Variants in GADL1 observed in about 807,000 individuals in gnomAD.
GADL1 encodes GAD like acidic amino acid decarboxylase 1, also known as acidic amino acid decarboxylase GADL1.
A neutral mutation model predicts 69.5 loss-of-function variants in GADL1; 71 were observed. The ratio of observed to expected loss-of-function variants is 1.02; its 90% CI spans 0.84 to 1.25. The LOEUF is 1.25. GADL1 is among the 50% of genes most tolerant of loss of function. The pLI is 0.00. For synonymous variants in GADL1, 254 were observed against 214.4 expected, an observed-to-expected ratio of 1.18 and a Z score of -1.62; for missense variants, 737 against 631.8, an observed-to-expected ratio of 1.17 and a Z score of -1.79.
intron 1 of GADL1, among the ~76,000 whole-genome samples, chr3:30,886,744 G>A (rs1698716201): frequency 6.6e-6 from 1 of 152,164 alleles, no homozygotes; most frequent in African/African-American, 2.4e-5. Context: ...AGCCTGAATG[G>A]AGCTTCTGGG....
chr3:30,759,754 A>AT (rs1559490597), intron 14 of GADL1, among the ~76,000 whole-genome samples: 3 of 152,152 alleles, frequency 2.0e-5, no homozygotes, highest in Non-Finnish European at 4.4e-5. Context: ...CTCGACTGCC[A>AT]CTGGGTTTGT....
intron 11 of GADL1, among the ~76,000 whole-genome samples, chr3:30,826,983 G>C (rs556073906): frequency 6.6e-6 from 1 of 151,778 alleles, no homozygotes; most frequent in Non-Finnish European, 1.5e-5. Context: ...ATATGGATAA[G>C]ACAAACAATT....
In GADL1 at chr3:30,728,212, A is replaced by T; in HGVS notation, c.*30T>A. On this transcript the variant is annotated 3_prime_UTR_variant, in exon 15 of 15. Transcript: ENST00000282538. ...TGGATCTAAACTCTCCCAGGATAGGATCTATGCCTCTGGGGGACCAAAGCC... is the reference window on the plus strand; with the variant it reads ...TGGATCTAAACTCTCCCAGGATAGGTTCTATGCCTCTGGGGGACCAAAGCC... 2 of 1,594,272 alleles carry T rather than the reference A, an allele frequency of 1.3e-6. No homozygotes were observed. The highest frequency in any genetic ancestry group is 8.6e-7 in the Non-Finnish European group (1 of 1,162,474).
chr3:30,766,387 C>G (rs1696277316), intron 14 of GADL1, among the ~76,000 whole-genome samples: 1 of 152,194 alleles, frequency 6.6e-6, no homozygotes, highest in Non-Finnish European at 1.5e-5. Flanking sequence ...TGGTAATGCT[C>G]TACTGTGGCC....
At chr3:30,805,734 CTTTT>C (rs34788058) in intron 11 of GADL1, among the ~76,000 whole-genome samples, 8 of 66,092 alleles carry the variant, frequency 1.2e-4, no homozygotes, top group African/African-American at 4.2e-4. Flanking sequence ...AGTCCCCAGC[CTTTT>C]TTTTTTTTTT....
chr3:30,844,300 T>C (rs1698019171), intron 7 of GADL1, 36 bp from the exon 8 acceptor site: 8 of 1,592,162 alleles, frequency 5.0e-6, no homozygotes, highest in Non-Finnish European at 6.9e-6. Context: ...CAGTTATGTT[T>C]AGTAATTAAC....
rs146398609 is a variant in GADL1 at position 30,801,042 on chromosome 3, T to G, written c.1097A>C (p.Gln366Pro). The G allele has an allele frequency of 6.2e-7, 1 of 1,614,040 alleles. No homozygotes were observed. Among genetic ancestry groups the G allele is most frequent in the African/African-American group, 1.3e-5 (1 of 75,072 alleles). The change falls in exon 12 of 15, where the codon CAG becomes CCG. Residue 366 changes from glutamine (Q) to proline (P), a missense_variant. By Grantham distance (76) the Gln-to-Pro change is moderately conservative. Coordinates refer to ENST00000282538, the MANE Select transcript of GADL1 (RefSeq NM_207359.3). ...CYSAKASYLF[Q>P]QDKFYDVSYD... ...GCTCACATCATAGAATTTATCCTGC[T>G]GGAAGAGGTAAGATGCCTTGGCAGA...
At chr3:30,748,790 T>C (rs1695752359) in intron 14 of GADL1, among the ~76,000 whole-genome samples, 1 of 152,236 alleles carries the variant, frequency 6.6e-6, no homozygotes, top group Non-Finnish European at 1.5e-5. Flanking sequence ...AAGCTGAATA[T>C]AATTCAACCG....
chr3:30,791,041 G>A (rs573023182), intron 12 of GADL1, among the ~76,000 whole-genome samples: 2 of 151,770 alleles, frequency 1.3e-5, no homozygotes, highest in Non-Finnish European at 2.9e-5. Flanking sequence ...TACAAAGTAT[G>A]GAAGGATACG....
chr3:30,847,003 C>G (rs1698069930), intron 6 of GADL1, among the ~76,000 whole-genome samples: 1 of 152,136 alleles, frequency 6.6e-6, no homozygotes, highest in Non-Finnish European at 1.5e-5. Context: ...TTCTTTTTAC[C>G]CTACTTTTTA....
chr3:30,776,387 TCA>T (rs967684915), intron 14 of GADL1, among the ~76,000 whole-genome samples: 1 of 152,218 alleles, frequency 6.6e-6, no homozygotes, highest in Non-Finnish European at 1.5e-5. Flanking sequence ...CACTAAATTC[TCA>T]CATTGTCCAG....
At position 30,836,763 on chromosome 3, in the gene GADL1, A is replaced by AT. The variant is rs531608629; in HGVS notation, c.903+2233dup. Among the ~76,000 whole-genome samples the AT allele has an allele frequency of 1.0e-3, 153 of 152,174 alleles. 1 individual carries two copies. Among genetic ancestry groups the AT allele is most frequent in the African/African-American group, 3.3e-3 (136 of 41,528 alleles). On this transcript the variant is annotated intron_variant, in intron 9 of 14. Transcript: ENST00000282538. ...GAGAGAATAGGAAGCTTTGTTGGGA[A>AT]TGAGAGGCTTTCCAGCAGCTACAAC...
At chr3:30,884,223 T>G (rs1200313153) in intron 1 of GADL1, among the ~76,000 whole-genome samples, 2 of 152,028 alleles carry the variant, frequency 1.3e-5, no homozygotes, top group African/African-American at 2.4e-5. Flanking sequence ...GTAGAATATT[T>G]GAACCGCATA....
intron 11 of GADL1, among the ~76,000 whole-genome samples, chr3:30,821,339 GAAAAA>G (rs926042887): frequency 3.0e-5 from 4 of 135,452 alleles, no homozygotes; most frequent in Admixed American, 7.5e-5. Context: ...TAATAATAAA[GAAAAA>G]AAGAAAAGCC....
rs529315258 is a variant in GADL1 at position 30,820,882 on chromosome 3, T to C, written c.1050+12971A>G. Among the ~76,000 whole-genome samples the C allele has an allele frequency of 3.9e-5, 6 of 152,016 alleles. No individual in the cohort carries two copies. The South Asian group carries it at 1.0e-3, about 26-fold the overall frequency. ...AAAGACACATGCACATGTATGTTTA[T>C]TGTGGCACTATTCACAATAGCAAAG... On this transcript the variant is annotated intron_variant, in intron 11 of 14. Coordinates refer to ENST00000282538, the MANE Select transcript of GADL1 (RefSeq NM_207359.3).
At chr3:30,808,448 A>C (rs1056022852) in intron 11 of GADL1, among the ~76,000 whole-genome samples, 1 of 151,796 alleles carries the variant, frequency 6.6e-6, no homozygotes, top group South Asian at 2.1e-4. Flanking sequence ...CAGTGAGCTG[A>C]GACAGCGTTA....
chr3:30,766,096 T>G (rs1696269525), intron 14 of GADL1, among the ~76,000 whole-genome samples: 1 of 152,074 alleles, frequency 6.6e-6, no homozygotes, highest in African/African-American at 2.4e-5. Context: ...ATGATATTGG[T>G]TAAAAGTTAT....
At chr3:30,752,120 GTACC>G (rs1695836127) in intron 14 of GADL1, among the ~76,000 whole-genome samples, 1 of 152,102 alleles carries the variant, frequency 6.6e-6, no homozygotes. Flanking sequence ...ACACACAGTG[GTACC>G]TGACTGAGTA....
intron 12 of GADL1, among the ~76,000 whole-genome samples, chr3:30,790,052 T>G (rs894886913): frequency 2.0e-5 from 3 of 152,248 alleles, no homozygotes; most frequent in Non-Finnish European, 4.4e-5. Context: ...CCTAACTTTG[T>G]CTGTCTTGGC....
Sources: gnomAD v4.1 joint callset for allele counts (sites outside exome capture counted in the v4.1 genomes callset) on GRCh38, gnomAD v4.1.1 for gene constraint, MANE v1.5 for transcripts, NCBI Gene and HGNC (gene_info 2026-07-23, HGNC 2026-07-21) for gene names.